METTL16: variants seen among roughly 807,000 people sequenced by gnomAD.
The protein encoded by METTL16 is RNA N(6)-adenosine-methyltransferase METTL16.
In METTL16, 19 loss-of-function variants were observed where a neutral mutation model predicts 57.9. The observed-to-expected ratio is 0.33, with a 90% CI of 0.23 to 0.48. The LOEUF is 0.48. Among genes scored for constraint, METTL16 ranks in the 20% least tolerant of loss-of-function variants. The pLI, the probability that METTL16 is intolerant of heterozygous loss-of-function variation, is 0.99. For synonymous variants in METTL16, 246 were observed against 255.6 expected (o/e 0.96, Z 0.36); for missense variants, 434 against 691.5 (o/e 0.63, Z 4.18).
intron 1 of METTL16, 36 bp downstream of exon 1, chr17:2,511,723 G>A (rs2067590824): frequency 5.0e-6 from 2 of 397,598 alleles, no homozygotes; most frequent in South Asian, 1.3e-4. Flanking sequence ...AGTGACCCAT[G>A]ATAGTAAATC....
chr17:2,487,782 T>C (rs1421605161), intron 2 of METTL16, among the ~76,000 whole-genome samples: 7 of 151,966 alleles, frequency 4.6e-5, no homozygotes, highest in South Asian at 4.2e-4. Flanking sequence ...GGCGGGAGGA[T>C]TGCTTGAGCC....
intron 6 of METTL16, among the ~76,000 whole-genome samples, chr17:2,448,806 A>AAAAAAAAAAAAAAAAAAAAATAAAAT (rs1567890021): frequency 8.5e-6 from 1 of 117,992 alleles, no homozygotes; most frequent in Non-Finnish European, 1.8e-5. Flanking sequence ...AAAATTTAAA[A>AAAAAAAAAAAAAAAAAAAAATAAAAT]AAAAAAAAAA....
In METTL16 at chr17:2,420,671, GAAAA is replaced by G. The variant is rs2066758407; in HGVS notation, c.1062+56_1062+59del. The G allele has an allele frequency of 6.5e-6, 10 of 1,528,660 alleles. No individual in the cohort carries two copies. Among genetic ancestry groups the G allele is most frequent in the Non-Finnish European group, 7.9e-6 (9 of 1,138,450 alleles). 94.7% of individuals were successfully genotyped at this position (1,528,660 alleles called of 1,614,324 possible). A position where few individuals can be genotyped will look rare whatever the true frequency, so the allele number is the denominator to read the frequency against. On this transcript the variant is annotated intron_variant, in intron 9 of 9. Transcript: ENST00000263092. The surrounding 1 kb of genome is among the most constrained non-coding windows in gnomAD (Gnocchi z 5.4). ...TCCAAACTCTCAATAAAAAAAAAAAGAAAAAAGAAAAAAGAGAAGGATCATTATG... is the reference window on the plus strand; with the variant it reads ...TCCAAACTCTCAATAAAAAAAAAAAGAAGAAAAAAGAGAAGGATCATTATG...
At chr17:2,511,444 C>T (rs1358871332) in intron 1 of METTL16, among the ~76,000 whole-genome samples, 2 of 152,158 alleles carry the variant, frequency 1.3e-5, no homozygotes, top group East Asian at 1.9e-4. Context: ...CTAGTCCTGC[C>T]ACTGCCGTTC....
chr17:2,448,735 A>G (rs1418032160), intron 6 of METTL16, among the ~76,000 whole-genome samples: 1 of 119,262 alleles, frequency 8.4e-6, no homozygotes, highest in Non-Finnish European at 1.6e-5. Flanking sequence ...CCCAAGAATG[A>G]TCAATAAAAA....
At chr17:2,460,923 C>T (rs1484066850) in intron 6 of METTL16, among the ~76,000 whole-genome samples, 1 of 150,852 alleles carries the variant, frequency 6.6e-6, no homozygotes, top group South Asian at 2.1e-4. Flanking sequence ...GAAATGGTCA[C>T]ATGACTTGGT....
chr17:2,457,425 G>A (rs968352199), intron 6 of METTL16, among the ~76,000 whole-genome samples: 24 of 141,688 alleles, frequency 1.7e-4, no homozygotes, highest in African/African-American at 5.8e-4. Flanking sequence ...GTTAAAAATC[G>A]GCCGGGCACA....
At chr17:2,463,788 G>A (rs2151563242) in intron 6 of METTL16, among the ~76,000 whole-genome samples, 1 of 152,124 alleles carries the variant, frequency 6.6e-6, no homozygotes, top group African/African-American at 2.4e-5. Context: ...GTTCTTCTGA[G>A]CACTAGGATT....
At chr17:2,436,230 T>G (rs2066907618) in intron 8 of METTL16, among the ~76,000 whole-genome samples, 1 of 152,114 alleles carries the variant, frequency 6.6e-6, no homozygotes, top group Non-Finnish European at 1.5e-5. Flanking sequence ...AGGATAATTC[T>G]TCGGGGTGGT....
intron 4 of METTL16, among the ~76,000 whole-genome samples, chr17:2,468,280 T>C (rs2065074713): frequency 6.6e-6 from 1 of 152,220 alleles, no homozygotes; most frequent in Non-Finnish European, 1.5e-5. Flanking sequence ...TCGACAGTAC[T>C]CCCTTCAGGA....
At chr17:2,471,902 A>T (rs1247101065) in intron 4 of METTL16, among the ~76,000 whole-genome samples, 1 of 151,916 alleles carries the variant, frequency 6.6e-6, no homozygotes, top group Non-Finnish European at 1.5e-5. Context: ...TCACTTGAGG[A>T]CAGGAGTTTG....
At chr17:2,508,501 C>CTTCT (rs1348508445) in intron 1 of METTL16, among the ~76,000 whole-genome samples, 14 of 152,144 alleles carry the variant, frequency 9.2e-5, no homozygotes, top group Non-Finnish European at 1.5e-5. Context: ...TCTTCAACAC[C>CTTCT]TTCTCCATGC....
intron 2 of METTL16, among the ~76,000 whole-genome samples, chr17:2,479,975 T>C (rs1211751439): frequency 1.3e-5 from 2 of 150,942 alleles, no homozygotes; most frequent in East Asian, 3.9e-4. Context: ...TCACCTGAGG[T>C]TGGGAGTTCG....
chr17:2,479,974 G>A (rs1323701290), intron 2 of METTL16, among the ~76,000 whole-genome samples: 2 of 152,018 alleles, frequency 1.3e-5, no homozygotes, highest in Non-Finnish European at 2.9e-5. Context: ...ATCACCTGAG[G>A]TTGGGAGTTC....
chr17:2,473,707 G>A, intron 3 of METTL16, 43 bp from the exon 4 acceptor site: 1 of 1,582,810 alleles, frequency 6.3e-7, no homozygotes, highest in Non-Finnish European at 8.6e-7. Context: ...ACACCAGAGG[G>A]AAAGGTTACA....
intron 6 of METTL16, among the ~76,000 whole-genome samples, chr17:2,447,234 C>T (rs2067005911): frequency 6.7e-6 from 1 of 149,134 alleles, no homozygotes; most frequent in African/African-American, 2.5e-5. Context: ...TGACCCGCCG[C>T]CCTGTCTGGG....
At chr17:2,470,253 G>C (rs1334790812) in intron 4 of METTL16, among the ~76,000 whole-genome samples, 1 of 151,608 alleles carries the variant, frequency 6.6e-6, no homozygotes, top group Non-Finnish European at 1.5e-5. Flanking sequence ...TCAGCACTAT[G>C]TTTAGGGACT....
intron 2 of METTL16, among the ~76,000 whole-genome samples, chr17:2,496,784 T>C (rs922437580): frequency 1.3e-5 from 2 of 151,492 alleles, no homozygotes; most frequent in African/African-American, 4.9e-5. Context: ...TTTGCCCTTA[T>C]GAATGGATTA....
chr17:2,484,821 G>A (rs2067330264), intron 2 of METTL16, among the ~76,000 whole-genome samples: 2 of 152,150 alleles, frequency 1.3e-5, no homozygotes, highest in Admixed American at 1.3e-4. Flanking sequence ...TTAATGTTGT[G>A]TGGATTTGCC....
Sources: allele counts gnomAD v4.1 joint callset (sites outside exome capture counted in the v4.1 genomes callset), GRCh38; gene constraint gnomAD v4.1.1; non-coding constraint Gnocchi (gnomAD v3.1); transcripts MANE v1.5; gene names NCBI Gene and HGNC (gene_info 2026-07-23, HGNC 2026-07-21).